Variants in ENPP6 observed in about 807,000 individuals in gnomAD.
ENPP6 encodes ectonucleotide pyrophosphatase/phosphodiesterase 6.
ENPP6 carries 32 observed loss-of-function variants against 42.0 expected under a neutral mutation model. The observed-to-expected ratio is 0.76, with a 90% CI of 0.58 to 1.02. The LOEUF is 1.02. Among genes scored for constraint, ENPP6 ranks in the 50% least tolerant of loss-of-function variants. The pLI, the probability that ENPP6 is intolerant of heterozygous loss-of-function variation, is 0.00. For missense variants in ENPP6, 552 were observed against 566.8 expected, an observed-to-expected ratio of 0.97 and a Z score of 0.27; for synonymous variants, 213 against 216.0, an observed-to-expected ratio of 0.99 and a Z score of 0.12.
chr4:184,138,694 G>T (rs1323223807), intron 2 of ENPP6, among the ~76,000 whole-genome samples: 1 of 152,162 alleles, frequency 6.6e-6, no homozygotes, highest in Non-Finnish European at 1.5e-5. Flanking sequence ...GGAAATCCCT[G>T]GGAATTAAGT....
At chr4:184,180,958 G>A (rs1298413950) in intron 1 of ENPP6, among the ~76,000 whole-genome samples, 2 of 152,156 alleles carry the variant, frequency 1.3e-5, no homozygotes, top group African/African-American at 4.8e-5. Flanking sequence ...ACAAGACAAG[G>A]GTGTTCTCTC....
At chr4:184,110,557 T>C (rs1560980770) in intron 6 of ENPP6, among the ~76,000 whole-genome samples, 1 of 152,202 alleles carries the variant, frequency 6.6e-6, no homozygotes, top group Admixed American at 6.5e-5. Context: ...CTGGTATGTA[T>C]ATTTTTCTCC....
chr4:184,116,834 G>GC, intron 5 of ENPP6, 22 bp downstream of exon 5: 4 of 1,611,292 alleles, frequency 2.5e-6, no homozygotes, highest in African/African-American at 1.3e-5. Context: ...GCCCTCCTCC[G>GC]CCCCCCACGG....
intron 1 of ENPP6, among the ~76,000 whole-genome samples, chr4:184,179,191 C>A (rs992988491): frequency 2.6e-5 from 4 of 152,010 alleles, no homozygotes; most frequent in African/African-American, 7.2e-5. Flanking sequence ...ATTTACCAAC[C>A]AAATGAAAAG....
chr4:184,203,521 T>A (rs12645969), intron 1 of ENPP6, among the ~76,000 whole-genome samples: 10,028 of 152,146 alleles, frequency 0.066, 1,229 homozygotes, highest in East Asian at 0.62. Context: ...CCTAATTCAA[T>A]ATGGCTGGTG....
intron 1 of ENPP6, among the ~76,000 whole-genome samples, chr4:184,163,287 T>G (rs6837912): frequency 2.2e-4 from 33 of 152,040 alleles, no homozygotes; most frequent in African/African-American, 8.0e-4. Flanking sequence ...TCCCTGCAAT[T>G]TCAGAGGTGA....
At chr4:184,096,839 C>G (rs1020944971) in intron 7 of ENPP6, among the ~76,000 whole-genome samples, 2 of 152,006 alleles carry the variant, frequency 1.3e-5, no homozygotes, top group Non-Finnish European at 2.9e-5. Context: ...CGGGAAGGAC[C>G]GTGGAAGAGC....
chr4:184,088,843 A>AT lies in ENPP6; in HGVS notation c.*2333dup, dbSNP rs1735736305. The AT allele has an allele frequency of 6.6e-6, 1 of 152,220 alleles. No homozygotes were observed. The highest frequency in any genetic ancestry group is 2.4e-5 in the African/African-American group (1 of 41,462). 9.4% of individuals were successfully genotyped at this position (152,220 alleles called of 1,614,324 possible). Reference sequence around the variant, plus strand: ...TGAGTAATTACACTTTGTCAGACAAATATCTAAAGTTTTATTATGTAACTT... The same window carrying AT: ...TGAGTAATTACACTTTGTCAGACAAATTATCTAAAGTTTTATTATGTAACTT... On this transcript the variant is annotated 3_prime_UTR_variant, in exon 8 of 8. Transcript: ENST00000296741.
At position 184,124,239 on chromosome 4, in the gene ENPP6, G is replaced by A; in HGVS notation, c.455C>T (p.Thr152Ile). 1.2e-6 allele frequency: 2 copies of A among 1,614,054 alleles called. No individual in the cohort carries two copies. Among genetic ancestry groups the A allele is most frequent in the Admixed American group, 3.3e-5 (2 of 60,006 alleles). The change falls in exon 3 of 8, where the codon ACC (threonine) becomes ATC (isoleucine). Residue 152 changes from threonine (T) to isoleucine (I), a missense_variant. Coordinates refer to ENST00000296741, the MANE Select transcript of ENPP6 (RefSeq NM_153343.4). ...CEVEILGVRP[T>I]YCLEYKNVPT... ...GACATTTTTATATTCTAGGCAGTAG[G>A]TGGGTCTGACACCCAGAATCTCAAC...
intron 6 of ENPP6, among the ~76,000 whole-genome samples, chr4:184,106,730 C>A (rs771100308): frequency 1.3e-5 from 2 of 152,094 alleles, no homozygotes; most frequent in Non-Finnish European, 2.9e-5. Context: ...GTGTGGCATG[C>A]GTGTTTATTT....
intron 1 of ENPP6, among the ~76,000 whole-genome samples, chr4:184,162,388 G>T (rs1411985462): frequency 6.6e-6 from 1 of 152,186 alleles, no homozygotes; most frequent in Non-Finnish European, 1.5e-5. Flanking sequence ...GTACTTGAAT[G>T]AATATGTGAA....
chr4:184,143,884 G>A (rs111771761), intron 2 of ENPP6, among the ~76,000 whole-genome samples: 4,789 of 152,332 alleles, frequency 0.031, 234 homozygotes, highest in African/African-American at 0.1. Flanking sequence ...CACTGTAGCT[G>A]AACAGGAGGG....
chr4:184,129,188 T>C (rs1327078156), intron 2 of ENPP6, among the ~76,000 whole-genome samples: 3 of 151,996 alleles, frequency 2.0e-5, no homozygotes, highest in Admixed American at 2.0e-4. Flanking sequence ...ATGCTGGAAA[T>C]CAGGAGGCAT....
chr4:184,149,642 C>T (rs1417806745), intron 2 of ENPP6, among the ~76,000 whole-genome samples: 2 of 152,324 alleles, frequency 1.3e-5, no homozygotes, highest in Non-Finnish European at 2.9e-5. Context: ...CTCCCTACTG[C>T]TTGGCTGTAG....
At chr4:184,157,951 G>T (rs1405712655) in intron 1 of ENPP6, among the ~76,000 whole-genome samples, 1 of 151,908 alleles carries the variant, frequency 6.6e-6, no homozygotes, top group Non-Finnish European at 1.5e-5. Context: ...CATCTATAAG[G>T]TTGCTACTAC....
rs1398910094 is a variant in ENPP6 at position 184,092,991 on chromosome 4, T to C, written c.1118-1609A>G. On this transcript the variant is annotated intron_variant, in intron 7 of 7. Transcript: ENST00000296741. ...AAATTGGAAAAAAGCTAAATATAGA[T>C]ACTTCTGCCACATAGTATGTTAGAT... Among the ~76,000 whole-genome samples, 3 of 152,306 alleles carry C rather than the reference T, an allele frequency of 2.0e-5. No individual in the cohort carries two copies. The East Asian group carries it at 5.8e-4, about 29-fold the overall frequency.
intron 2 of ENPP6, among the ~76,000 whole-genome samples, chr4:184,144,972 G>A (rs1436166549): frequency 2.0e-5 from 3 of 152,230 alleles, no homozygotes; most frequent in South Asian, 2.1e-4. Flanking sequence ...TCAGGTCAGC[G>A]GAGGACAGAG....
chr4:184,173,933 G>C (rs1312101965), intron 1 of ENPP6, among the ~76,000 whole-genome samples: 1 of 152,086 alleles, frequency 6.6e-6, no homozygotes, highest in Non-Finnish European at 1.5e-5. Context: ...CCATCCCGGG[G>C]GGACACCTGG....
At chr4:184,176,451 G>A (rs530913068) in intron 1 of ENPP6, among the ~76,000 whole-genome samples, 1 of 152,318 alleles carries the variant, frequency 6.6e-6, no homozygotes, top group Admixed American at 6.5e-5. Flanking sequence ...CAGGGACTTG[G>A]GGAGGGCGGT....
Sources: gnomAD v4.1 joint callset for allele counts (sites outside exome capture counted in the v4.1 genomes callset) on GRCh38, gnomAD v4.1.1 for gene constraint, MANE v1.5 for transcripts, NCBI Gene and HGNC (gene_info 2026-07-23, HGNC 2026-07-21) for gene names.